The following CTSO variants were observed in gnomAD, a reference collection of about 807,000 sequenced individuals.
CTSO encodes the protein cathepsin O.
Under a neutral mutation model 42.4 loss-of-function variants are expected in CTSO, and 40 were observed. The observed-to-expected ratio is 0.94, with a 90% CI of 0.73 to 1.23. The LOEUF (loss-of-function observed/expected upper bound fraction) is 1.23, where lower values mean the gene tolerates loss of function less well. Among genes scored for constraint, CTSO ranks in the 50% most tolerant of loss-of-function variants. The pLI is 0.00. For missense variants in CTSO, 441 were observed against 396.0 expected (o/e 1.11, Z -0.96); for synonymous variants, 156 against 146.2 (o/e 1.07, Z -0.48).
intron 5 of CTSO, among the ~76,000 whole-genome samples, chr4:155,933,645 T>A (rs1743274535): frequency 6.6e-6 from 1 of 152,080 alleles, no homozygotes; most frequent in South Asian, 2.1e-4. Flanking sequence ...AATAATTAGG[T>A]CCAGGCTGAG....
At position 155,929,556 on chromosome 4, in the gene CTSO, C is replaced by T. The variant is rs760393290; in HGVS notation, c.824G>A (p.Gly275Glu). 12 of 1,612,174 alleles carry T rather than the reference C, an allele frequency of 7.4e-6. No individual in the cohort carries two copies. Among genetic ancestry groups the T allele is most frequent in the Non-Finnish European group, 1.0e-5 (12 of 1,179,406 alleles). Reference sequence around the variant, plus strand: ...TCAGCACTTACCTGTTTTATCAAACCCAGTTATGAGAACTGCATGATTTGC... The same window carrying T: ...TCAGCACTTACCTGTTTTATCAAACTCAGTTATGAGAACTGCATGATTTGC... ...GEANHAVLITGFDKTGSTPYW... is the reference protein window; with the variant it reads ...GEANHAVLITEFDKTGSTPYW... The change falls in exon 6 of 8, where the codon GGG becomes GAG. Residue 275 changes from glycine (G) to glutamate (E), a missense_variant. Transcript: ENST00000433477.
chr4:155,942,208 G>A, intron 3 of CTSO, 109 bp downstream of exon 3: 1 of 898,320 alleles, frequency 1.1e-6, no homozygotes, highest in Non-Finnish European at 1.5e-6. Flanking sequence ...TGACTGAGAT[G>A]TGATTTTCCT....
intron 5 of CTSO, among the ~76,000 whole-genome samples, chr4:155,931,998 G>A (rs1022513530): frequency 1.3e-5 from 2 of 151,904 alleles, no homozygotes; most frequent in Non-Finnish European, 2.9e-5. Context: ...CTAGAATTCA[G>A]TGTGTTATAC....
chr4:155,928,304 A>G lies in CTSO; in HGVS notation c.931+32T>C, dbSNP rs765117096. On this transcript the variant is annotated intron_variant, in intron 7 of 7. Coordinates refer to ENST00000433477, the MANE Select transcript of CTSO (RefSeq NM_001334.3). ...TTCAAATAATCTCCTTAATATTTAT[A>G]TTGAGGTTTTAAACACAAACTCATG... 3 of 1,449,324 alleles carry G rather than the reference A, an allele frequency of 2.1e-6. No homozygotes were observed. In the East Asian group the frequency reaches 6.8e-5, roughly 33 times the overall value. 89.8% of individuals were successfully genotyped at this position (1,449,324 alleles called of 1,614,324 possible).
intron 3 of CTSO, among the ~76,000 whole-genome samples, 154 bp from the exon 4 acceptor site, chr4:155,939,692 A>T (rs1743395029): frequency 6.6e-6 from 1 of 152,248 alleles, no homozygotes; most frequent in South Asian, 2.1e-4. Flanking sequence ...TAAACTGAAA[A>T]AAAGAGAAAA....
At chr4:155,941,494 G>A (rs1365495835) in intron 3 of CTSO, among the ~76,000 whole-genome samples, 2 of 152,142 alleles carry the variant, frequency 1.3e-5, no homozygotes, top group Non-Finnish European at 2.9e-5. Context: ...CAACTCCCAT[G>A]TCCTCAGCAC....
chr4:155,953,636 G>T (rs1446559562), intron 1 of CTSO, 77 bp downstream of exon 1: 11 of 1,227,202 alleles, frequency 9.0e-6, no homozygotes, highest in Non-Finnish European at 1.1e-5. Context: ...GCTCTCGGGG[G>T]CCCTCTTCCG....
At chr4:155,929,432 T>C in intron 6 of CTSO, 110 bp downstream of exon 6, 1 of 1,094,274 alleles carries the variant, frequency 9.1e-7, no homozygotes, top group Non-Finnish European at 1.3e-6. Context: ...GAAGGTCTTA[T>C]GAGGACTTAA....
At chr4:155,936,290 G>A (rs6832437) in intron 5 of CTSO, among the ~76,000 whole-genome samples, 118,726 of 151,970 alleles carry the variant, frequency 0.78, 50,373 homozygotes, top group Non-Finnish European at 0.93. Context: ...GTTGCAGACC[G>A]GAGCTGTGTT....
chr4:155,935,244 A>G (rs1743309796), intron 5 of CTSO, among the ~76,000 whole-genome samples: 1 of 152,098 alleles, frequency 6.6e-6, no homozygotes, highest in Non-Finnish European at 1.5e-5. Flanking sequence ...AAGCCTCCTC[A>G]GCCATGTGGA....
At chr4:155,933,053 T>G (rs75090718) in intron 5 of CTSO, among the ~76,000 whole-genome samples, 2 of 152,056 alleles carry the variant, frequency 1.3e-5, no homozygotes, top group African/African-American at 2.4e-5. Context: ...AAGGCCATTC[T>G]CCTAACACCC....
chr4:155,953,761 GA>G lies in CTSO; in HGVS notation c.86del (p.Phe29SerfsTer26). 1 of 1,320,754 alleles carries G rather than the reference GA, an allele frequency of 7.6e-7. No individual in the cohort carries two copies. The highest frequency in any genetic ancestry group is 2.1e-5 in the South Asian group (1 of 46,732). 81.8% of individuals were successfully genotyped at this position (1,320,754 alleles called of 1,614,324 possible). On this transcript the variant is annotated frameshift_variant, in exon 1 of 8. Transcript: ENST00000433477. LOFTEE classifies it high-confidence loss of function. ...CGCGGCTCCGCGGCCAGGTCGGGGTGAAGGGGGCGCGGGAGTCCGCATCGCC... is the reference window on the plus strand; with the variant it reads ...CGCGGCTCCGCGGCCAGGTCGGGGTGAGGGGGCGCGGGAGTCCGCATCGCC... ...GGGDADSRAP[F>X]TPTWPRSRER...
intron 7 of CTSO, among the ~76,000 whole-genome samples, chr4:155,927,914 C>T (rs1370132047): frequency 2.0e-5 from 3 of 152,070 alleles, no homozygotes; most frequent in South Asian, 4.1e-4. Flanking sequence ...GCTTAGTTTT[C>T]GTATATTTTA....
intron 4 of CTSO, 95 bp from the exon 5 acceptor site, chr4:155,937,578 A>C: frequency 8.8e-7 from 1 of 1,133,350 alleles, no homozygotes; most frequent in Non-Finnish European, 1.3e-6. Context: ...TCAATTTCAC[A>C]CACCTTCATC....
chr4:155,932,782 T>TC (rs1433185325), intron 5 of CTSO, among the ~76,000 whole-genome samples: 1 of 152,170 alleles, frequency 6.6e-6, no homozygotes, highest in Non-Finnish European at 1.5e-5. Flanking sequence ...TTCTCTCATT[T>TC]CCCCACCCCA....
In CTSO at chr4:155,937,465, T is replaced by C; in HGVS notation, c.571A>G (p.Lys191Glu). Residue 191 changes from lysine to glutamate, a missense_variant, in exon 5 of 8, where the codon AAA becomes GAA. Physicochemically the swap from Lys to Glu is moderately conservative, Grantham distance 56. Transcript: ENST00000433477. ...GCTTTAAAAGGATATTCTGAATCTT[T>C]CACCAGTTTTACTTGCATCTAAAAG... ...WLNKMQVKLV[K>E]DSEYPFKAQN... The C allele has an allele frequency of 6.2e-7, 1 of 1,613,214 alleles. No homozygotes were observed. Among genetic ancestry groups the C allele is most frequent in the Non-Finnish European group, 8.5e-7 (1 of 1,179,500 alleles).
intron 1 of CTSO, among the ~76,000 whole-genome samples, chr4:155,946,687 A>G (rs1743553344): frequency 6.6e-6 from 1 of 152,106 alleles, no homozygotes; most frequent in African/African-American, 2.4e-5. Flanking sequence ...GGGCTACTCA[A>G]TCTTTATACA....
intron 5 of CTSO, among the ~76,000 whole-genome samples, chr4:155,933,015 C>A (rs1161674780): frequency 1.3e-5 from 2 of 152,096 alleles, no homozygotes; most frequent in Non-Finnish European, 2.9e-5. Context: ...GGGTATTAAT[C>A]TATACATACC....
At chr4:155,930,011 A>T (rs1743207635) in intron 5 of CTSO, among the ~76,000 whole-genome samples, 2 of 152,244 alleles carry the variant, frequency 1.3e-5, no homozygotes, top group Admixed American at 6.5e-5. Context: ...AGCAGGAAGT[A>T]GAAAGCAGAA....
Sources: allele counts gnomAD v4.1 joint callset (sites outside exome capture counted in the v4.1 genomes callset), GRCh38; gene constraint gnomAD v4.1.1; transcripts MANE v1.5; gene names NCBI Gene and HGNC (gene_info 2026-07-23, HGNC 2026-07-21).